The following SMIM13 variants were observed in gnomAD, a reference collection of about 807,000 sequenced individuals.
SMIM13 encodes small integral membrane protein 13, also known as UPF0766 protein C6orf228.
SMIM13 carries 3 observed loss-of-function variants against 5.9 expected under a neutral mutation model. The observed-to-expected ratio is 0.51, with a 90% CI of 0.23 to 1.31. The LOEUF (loss-of-function observed/expected upper bound fraction) is 1.31. SMIM13 is among the 40% of genes most tolerant of loss of function. SMIM13 has a pLI of 0.18. For synonymous variants in SMIM13, 55 were observed against 46.0 expected (o/e 1.19, Z -0.79); for missense variants, 85 against 109.9 (o/e 0.77, Z 1.01).
intron 1 of SMIM13, among the ~76,000 whole-genome samples, chr6:11,108,613 G>A (rs1274478317): frequency 6.6e-6 from 1 of 152,190 alleles, no homozygotes; most frequent in Non-Finnish European, 1.5e-5. Flanking sequence ...GAGGTGGCTG[G>A]CAGGTTTGCA....
At chr6:11,103,292 T>C (rs1302759460) in intron 1 of SMIM13, 2 of 178,012 alleles carry the variant, frequency 1.1e-5, no homozygotes, top group Non-Finnish European at 2.4e-5. Flanking sequence ...TTCCTATCTA[T>C]TGGGAGGCCA....
intron 1 of SMIM13, among the ~76,000 whole-genome samples, chr6:11,116,049 AC>A (rs750221878): frequency 2.7e-4 from 26 of 95,218 alleles, no homozygotes; most frequent in Non-Finnish European, 4.2e-4. Context: ...ACAGAGTCTC[AC>A]TCTGTCACTC....
intron 1 of SMIM13, among the ~76,000 whole-genome samples, chr6:11,120,434 G>A: frequency 6.6e-6 from 1 of 152,188 alleles, no homozygotes; most frequent in Non-Finnish European, 1.5e-5. Flanking sequence ...AAACATGGCA[G>A]AAGGGGAAGG....
chr6:11,097,618 A>T (rs1757942172), intron 1 of SMIM13, among the ~76,000 whole-genome samples: 2 of 151,800 alleles, frequency 1.3e-5, no homozygotes, highest in African/African-American at 4.8e-5. Context: ...CAGTGAGCCG[A>T]CATTGCACCA....
At chr6:11,098,304 C>G (rs1222821128) in intron 1 of SMIM13, among the ~76,000 whole-genome samples, 1 of 152,242 alleles carries the variant, frequency 6.6e-6, no homozygotes, top group African/African-American at 2.4e-5. Flanking sequence ...CTGCTGTTGT[C>G]AAAGTCAGTA....
intron 1 of SMIM13, chr6:11,103,822 G>A: frequency 1.3e-6 from 2 of 1,551,658 alleles, no homozygotes; most frequent in Non-Finnish European, 1.7e-6. Flanking sequence ...CCAAAAAGGA[G>A]CAAAAGTAGG....
intron 1 of SMIM13, among the ~76,000 whole-genome samples, chr6:11,118,233 T>C (rs1758266775): frequency 6.6e-6 from 1 of 152,232 alleles, no homozygotes; most frequent in Non-Finnish European, 1.5e-5. Flanking sequence ...TTTTCTGCTA[T>C]TGATTGAAAT....
intron 1 of SMIM13, among the ~76,000 whole-genome samples, chr6:11,130,208 A>T (rs1432361304): frequency 6.6e-6 from 1 of 150,814 alleles, no homozygotes; most frequent in African/African-American, 2.4e-5. Context: ...ACTACAATTT[A>T]TCTCTTTCCT....
chr6:11,102,508 A>G (rs1375701829), intron 1 of SMIM13: 1 of 152,226 alleles, frequency 6.6e-6, no homozygotes. Context: ...TAGAGAGTTT[A>G]TTTGAGCAAG....
At chr6:11,125,294 T>TA (rs34260357) in intron 1 of SMIM13, among the ~76,000 whole-genome samples, 74,547 of 105,018 alleles carry the variant, frequency 0.71, 26,835 homozygotes, top group East Asian at 0.88. Context: ...GACTCCATCT[T>TA]AAAAAAAAAA....
intron 1 of SMIM13, chr6:11,103,580 CA>C: frequency 2.1e-6 from 3 of 1,417,186 alleles, no homozygotes; most frequent in Non-Finnish European, 2.8e-6. Context: ...TGCTAGCTGT[CA>C]GGGCAGGATG....
intron 1 of SMIM13, among the ~76,000 whole-genome samples, chr6:11,096,203 G>A (rs1299139608): frequency 2.6e-5 from 4 of 152,214 alleles, no homozygotes; most frequent in Admixed American, 2.6e-4. Context: ...GAGCAGGGAT[G>A]GTTTTGGGAT....
rs571458252 is a variant in SMIM13, at chr6:11,116,091, C to T, written c.77-18312C>T. 2.1e-5 allele frequency among the ~76,000 whole-genome samples: 3 copies of T among 146,026 alleles called. No individual in the cohort carries two copies. In the South Asian group the frequency reaches 6.5e-4, roughly 32 times the overall value. On this transcript the variant is annotated intron_variant, in intron 1 of 1. Transcript: ENST00000416247. The stretch of plus-strand genomic sequence containing the variant: ...GGAGTACAGTGGTGTGATCTCTGCC[C>T]ACTGCAACCTCCGCCTCCCAGGTTC...
chr6:11,096,387 A>G (rs1226339968), intron 1 of SMIM13, among the ~76,000 whole-genome samples: 2 of 152,168 alleles, frequency 1.3e-5, no homozygotes, highest in Admixed American at 1.3e-4. Context: ...TCCTGCAGGG[A>G]GGAGGGATCT....
At chr6:11,120,628 C>T (rs555177836) in intron 1 of SMIM13, among the ~76,000 whole-genome samples, 5 of 152,294 alleles carry the variant, frequency 3.3e-5, no homozygotes, top group South Asian at 4.1e-4. Flanking sequence ...GTAGCAAAAT[C>T]GTATTCTCAT....
intron 1 of SMIM13, among the ~76,000 whole-genome samples, chr6:11,114,920 C>A (rs902318152): frequency 2.6e-5 from 4 of 151,990 alleles, no homozygotes; most frequent in Non-Finnish European, 5.9e-5. Context: ...TCTTTTAAGT[C>A]TGTTAATATG....
intron 1 of SMIM13, among the ~76,000 whole-genome samples, chr6:11,108,454 G>T (rs1469651955): frequency 6.6e-6 from 1 of 152,208 alleles, no homozygotes; most frequent in Non-Finnish European, 1.5e-5. Context: ...TTTCAGGGTA[G>T]TCCTGTTTCC....
rs1758504504 is a variant in SMIM13, at chr6:11,135,277, A to G, written c.*675A>G. ...TTCCATATTTTCCTGCAAAGCAACA[A>G]CAAAATGTTTTACGGGACCTAAGAA... On this transcript the variant is annotated 3_prime_UTR_variant, in exon 2 of 2. Transcript: ENST00000416247. The G allele has an allele frequency of 6.6e-6, 1 of 152,650 alleles. No homozygotes were observed. 9.5% of individuals were successfully genotyped at this position (152,650 alleles called of 1,614,324 possible).
In SMIM13 at chr6:11,134,529, C is replaced by T. The variant is rs1288661812; in HGVS notation, c.203C>T (p.Ser68Phe). 3.2e-6 allele frequency: 5 copies of T among 1,551,010 alleles called. No individual in the cohort carries two copies. The highest frequency in any genetic ancestry group is 4.4e-6 in the Non-Finnish European group (5 of 1,146,540). ...SGSETEEDTSSSPHRIRSARQ... is the reference protein window; with the variant it reads ...SGSETEEDTSFSPHRIRSARQ... The stretch of plus-strand genomic sequence containing the variant: ...TCTGAAACTGAAGAAGACACTTCCT[C>T]CTCTCCACACAGAATCAGATCCGCT... Residue 68 changes from serine to phenylalanine, a missense_variant, in exon 2 of 2, where the codon TCC (serine) becomes TTC (phenylalanine). Physicochemically the swap from Ser to Phe is radical, Grantham distance 155. Coordinates refer to ENST00000416247, the MANE Select transcript of SMIM13 (RefSeq NM_001135575.2).
Sources: gnomAD v4.1 joint callset for allele counts (sites outside exome capture counted in the v4.1 genomes callset) on GRCh38, gnomAD v4.1.1 for gene constraint, MANE v1.5 for transcripts, NCBI Gene and HGNC (gene_info 2026-07-23, HGNC 2026-07-21) for gene names.